The following SLC2A13 variants were observed in gnomAD, a reference collection of about 807,000 sequenced individuals.
SLC2A13 encodes solute carrier family 2 member 13, also known as proton myo-inositol cotransporter.
SLC2A13 carries 32 observed loss-of-function variants against 64.4 expected under a neutral mutation model. The observed-to-expected ratio is 0.50, with a 90% CI of 0.37 to 0.67. The LOEUF (loss-of-function observed/expected upper bound fraction) is 0.67. Among genes scored for constraint, SLC2A13 ranks in the 30% least tolerant of loss-of-function variants. SLC2A13 has a pLI of 0.00. For synonymous variants in SLC2A13, 338 were observed against 327.1 expected, an observed-to-expected ratio of 1.03 and a Z score of -0.36; for missense variants, 743 against 829.2, an observed-to-expected ratio of 0.90 and a Z score of 1.28.
chr12:39,795,010 G>A (rs1298065116), intron 7 of SLC2A13, among the ~76,000 whole-genome samples: 1 of 152,040 alleles, frequency 6.6e-6, no homozygotes, highest in Non-Finnish European at 1.5e-5. Context: ...TGTTTGGTGT[G>A]GATATTGTCT....
chr12:40,105,946 G>A lies in SLC2A13; in HGVS notation c.-138C>T. ...TCCCGGCTTCCGCTCCGGCTGCCACGGCAGCAGCCGCCGCCACGGCCGCTC... is the reference window on the plus strand; with the variant it reads ...TCCCGGCTTCCGCTCCGGCTGCCACAGCAGCAGCCGCCGCCACGGCCGCTC... On this transcript the variant is annotated 5_prime_UTR_variant, in exon 1 of 10. Transcript: ENST00000280871. The surrounding 1 kb of genome is among the most constrained non-coding windows in gnomAD (Gnocchi z 4.2). 13 of 1,085,612 alleles carry A rather than the reference G, an allele frequency of 1.2e-5. No homozygotes were observed. Among genetic ancestry groups the A allele is most frequent in the Non-Finnish European group, 1.5e-5 (13 of 839,986 alleles). The allele number at this position is 1,085,612 out of a possible 1,614,324, so 67.2% of individuals were successfully genotyped here.
chr12:39,894,334 G>C (rs1377578728), intron 4 of SLC2A13, among the ~76,000 whole-genome samples: 1 of 152,108 alleles, frequency 6.6e-6, no homozygotes, highest in African/African-American at 2.4e-5. Flanking sequence ...CTGATTAGTA[G>C]AACATTTGTG....
At chr12:39,894,532 T>G (rs546755420) in intron 4 of SLC2A13, among the ~76,000 whole-genome samples, 12 of 152,366 alleles carry the variant, frequency 7.9e-5, no homozygotes, top group African/African-American at 2.9e-4. Context: ...CCTGCTGAAT[T>G]GATTTAGCTT....
chr12:39,883,686 G>T (rs550607043), intron 4 of SLC2A13, among the ~76,000 whole-genome samples: 2 of 152,268 alleles, frequency 1.3e-5, no homozygotes, highest in South Asian at 4.1e-4. Flanking sequence ...AGGTTCACTT[G>T]TAAGTAAAAC....
intron 3 of SLC2A13, among the ~76,000 whole-genome samples, chr12:39,973,016 G>A (rs959054984): frequency 2.0e-5 from 3 of 151,608 alleles, no homozygotes; most frequent in South Asian, 2.1e-4. Flanking sequence ...GCAGTGAGCC[G>A]AGATCACACC....
At chr12:40,096,725 T>C (rs953582524) in intron 1 of SLC2A13, among the ~76,000 whole-genome samples, 1 of 151,934 alleles carries the variant, frequency 6.6e-6, no homozygotes, top group African/African-American at 2.4e-5. Context: ...TTTAATAATA[T>C]ATACAGTATA....
intron 4 of SLC2A13, among the ~76,000 whole-genome samples, chr12:39,893,939 T>C (rs1356432033): frequency 1.3e-5 from 2 of 152,204 alleles, no homozygotes; most frequent in African/African-American, 4.8e-5. Flanking sequence ...CTTTCACAAT[T>C]AACGTGTTAG....
intron 3 of SLC2A13, among the ~76,000 whole-genome samples, chr12:40,003,770 A>G (rs1371501635): frequency 6.6e-6 from 1 of 152,072 alleles, no homozygotes; most frequent in Non-Finnish European, 1.5e-5. Context: ...ATAATACCAC[A>G]CACAAAAATT....
chr12:39,810,666 G>A (rs1942130034), intron 7 of SLC2A13, among the ~76,000 whole-genome samples: 1 of 152,110 alleles, frequency 6.6e-6, no homozygotes. Flanking sequence ...CCAGCCTTCT[G>A]AGAGTTTTTA....
chr12:39,943,943 C>T (rs912475800), intron 4 of SLC2A13, among the ~76,000 whole-genome samples: 2 of 152,132 alleles, frequency 1.3e-5, no homozygotes, highest in African/African-American at 2.4e-5. Context: ...CCCAGTGGCA[C>T]CTGTAACACC....
rs920273787 is a variant in SLC2A13 at position 40,058,446 on chromosome 12, A to G, written c.557-10236T>C. Among the ~76,000 whole-genome samples, 5 of 152,162 alleles carry G rather than the reference A, an allele frequency of 3.3e-5. No individual in the cohort carries two copies. In the South Asian group the frequency reaches 1.0e-3, roughly 32 times the overall value. ...AAGAATTAGAAATTGCATTCCTAAA[A>G]TGAAACAAAAAGTCTGTTTTTTGGA... is the stretch of plus-strand genomic sequence containing the variant. On this transcript the variant is annotated intron_variant, in intron 1 of 9. Transcript: ENST00000280871.
intron 3 of SLC2A13, among the ~76,000 whole-genome samples, chr12:39,994,320 T>C (rs1947189267): frequency 6.6e-6 from 1 of 151,112 alleles, no homozygotes; most frequent in Non-Finnish European, 1.5e-5. Context: ...GAGGCGGAGC[T>C]TGCAGTGAGC....
intron 4 of SLC2A13, among the ~76,000 whole-genome samples, chr12:39,921,176 T>C (rs1163158498): frequency 6.6e-6 from 1 of 152,140 alleles, no homozygotes; most frequent in Non-Finnish European, 1.5e-5. Context: ...GGGCAATTTC[T>C]GAGGGTAAGA....
At chr12:40,079,915 G>A (rs1057475239) in intron 1 of SLC2A13, among the ~76,000 whole-genome samples, 1 of 152,184 alleles carries the variant, frequency 6.6e-6, no homozygotes. Context: ...CCCAGCTGGA[G>A]TGCAGTGGCA....
At chr12:39,988,815 A>C (rs906098228) in intron 3 of SLC2A13, among the ~76,000 whole-genome samples, 8 of 152,160 alleles carry the variant, frequency 5.3e-5, no homozygotes, top group African/African-American at 1.9e-4. Context: ...ATCATATATA[A>C]GTCAAAAACC....
intron 6 of SLC2A13, among the ~76,000 whole-genome samples, chr12:39,856,017 G>T (rs1394193137): frequency 6.6e-6 from 1 of 152,112 alleles, no homozygotes; most frequent in Non-Finnish European, 1.5e-5. Flanking sequence ...GCCCATAGAA[G>T]GTATTGCTAA....
At position 39,756,873 on chromosome 12, in the gene SLC2A13, A is replaced by G. The variant is rs547953771; in HGVS notation, c.*3153T>C. ...GGTTCAGTGGTAAAATTAAATTATG[A>G]AAAAATAGTCGGTATTCTCATAGCA... On this transcript the variant is annotated 3_prime_UTR_variant, in exon 10 of 10. Coordinates refer to ENST00000280871, the MANE Select transcript of SLC2A13 (RefSeq NM_052885.4). 6.6e-6 allele frequency: 1 copy of G among 151,816 alleles called. No homozygotes were observed. The highest frequency in any genetic ancestry group is 1.9e-4 in the East Asian group (1 of 5,196). 9.4% of individuals were successfully genotyped at this position (151,816 alleles called of 1,614,324 possible).
At chr12:40,019,166 CGAGAA>C (rs1479110674) in intron 3 of SLC2A13, among the ~76,000 whole-genome samples, 2 of 151,988 alleles carry the variant, frequency 1.3e-5, no homozygotes, top group Non-Finnish European at 2.9e-5. Flanking sequence ...CAGCAAGAAC[CGAGAA>C]GAGAAGAGAG....
intron 1 of SLC2A13, among the ~76,000 whole-genome samples, chr12:40,081,736 G>A (rs890850885): frequency 6.6e-6 from 1 of 152,310 alleles, no homozygotes; most frequent in African/African-American, 2.4e-5. Flanking sequence ...GTCATTTGGA[G>A]GTAAGATGAC....
Sources: gnomAD v4.1 joint callset for allele counts (sites outside exome capture counted in the v4.1 genomes callset) on GRCh38, gnomAD v4.1.1 for gene constraint, Gnocchi (gnomAD v3.1) non-coding constraint, MANE v1.5 for transcripts, NCBI Gene and HGNC (gene_info 2026-07-23, HGNC 2026-07-21) for gene names.